XYLT1: variants seen among roughly 807,000 people sequenced by gnomAD.
XYLT1 encodes the protein xylosyltransferase 1.
Under a neutral mutation model 91.3 loss-of-function variants are expected in XYLT1, and 36 were observed. That is an observed-to-expected ratio of 0.39 (90% CI 0.30 to 0.52). XYLT1 has a LOEUF of 0.52. Among genes scored for constraint, XYLT1 ranks in the 20% least tolerant of loss-of-function variants. The probability of loss-of-function intolerance (pLI) is 0.68; values close to 1 mark genes in which losing one functional copy is unlikely to be tolerated. For missense variants in XYLT1, 1,242 were observed against 1,284.5 expected, an observed-to-expected ratio of 0.97 and a Z score of 0.51; for synonymous variants, 588 against 532.0, an observed-to-expected ratio of 1.11 and a Z score of -1.45.
chr16:17,433,730 A>C (rs1775595203), intron 1 of XYLT1, among the ~76,000 whole-genome samples: 1 of 152,228 alleles, frequency 6.6e-6, no homozygotes, highest in African/African-American at 2.4e-5. Context: ...CGAGGGACTT[A>C]ACAGCATTTC....
intron 1 of XYLT1, among the ~76,000 whole-genome samples, chr16:17,381,421 C>CTTT (rs11299875): frequency 2.3e-5 from 3 of 130,120 alleles, no homozygotes; most frequent in African/African-American, 3.3e-5. Context: ...AAGGCAACAC[C>CTTT]TTTTTTTTTT....
chr16:17,456,826 T>A (rs751517397), intron 1 of XYLT1, among the ~76,000 whole-genome samples: 4 of 152,178 alleles, frequency 2.6e-5, no homozygotes, highest in Non-Finnish European at 5.9e-5. Flanking sequence ...AATTTCCTCA[T>A]CTGTAGATGG....
intron 11 of XYLT1, among the ~76,000 whole-genome samples, chr16:17,111,096 G>A (rs1326191880): frequency 6.6e-6 from 1 of 151,004 alleles, no homozygotes; most frequent in Admixed American, 6.6e-5. Context: ...GGAGGCGGAG[G>A]TTTCATTGAG....
intron 1 of XYLT1, among the ~76,000 whole-genome samples, chr16:17,448,979 C>T (rs990426050): frequency 3.9e-5 from 6 of 152,168 alleles, no homozygotes; most frequent in Admixed American, 6.5e-5. Flanking sequence ...CTGCGAACTC[C>T]GGCACCTTGG....
At chr16:17,450,925 G>A (rs1455968239) in intron 1 of XYLT1, among the ~76,000 whole-genome samples, 1 of 152,196 alleles carries the variant, frequency 6.6e-6, no homozygotes, top group Admixed American at 6.5e-5. Flanking sequence ...ATGGAGATGA[G>A]GGAGAGAAGT....
rs186220455 is a variant in XYLT1, at chr16:17,155,833, T to C, written c.1370+2996A>G. ...TTCCTCAGCCTGAGACTTCTTTATG[T>C]TGTCCCAAGACATCTGGGTACCACC... is the stretch of plus-strand genomic sequence containing the variant. On this transcript the variant is annotated intron_variant, in intron 6 of 11. Transcript: ENST00000261381. Among the ~76,000 whole-genome samples, 33 of 152,318 alleles carry C rather than the reference T, an allele frequency of 2.2e-4. No individual in the cohort carries two copies. The South Asian group carries it at 3.9e-3, about 18-fold the overall frequency.
chr16:17,181,504 C>T (rs2032067851), intron 5 of XYLT1, among the ~76,000 whole-genome samples: 1 of 152,152 alleles, frequency 6.6e-6, no homozygotes, highest in African/African-American at 2.4e-5. Context: ...AAAAAATGCC[C>T]AATTCCGGAT....
At chr16:17,329,798 C>T (rs1407784908) in intron 2 of XYLT1, among the ~76,000 whole-genome samples, 1 of 152,186 alleles carries the variant, frequency 6.6e-6, no homozygotes, top group African/African-American at 2.4e-5. Flanking sequence ...GGGAGGGGCA[C>T]CAGGCTTGGA....
chr16:17,152,933 T>C (rs1411516044), intron 6 of XYLT1, among the ~76,000 whole-genome samples: 1 of 152,216 alleles, frequency 6.6e-6, no homozygotes, highest in African/African-American at 2.4e-5. Context: ...TGTCGATACA[T>C]ATAAGGTCAA....
chr16:17,150,285 G>A (rs1456863077), intron 6 of XYLT1, among the ~76,000 whole-genome samples: 1 of 152,182 alleles, frequency 6.6e-6, no homozygotes, highest in Non-Finnish European at 1.5e-5. Context: ...GCCTGAGCTG[G>A]AGTCAATTGT....
In XYLT1 at chr16:17,161,437, A is replaced by AC. The variant is rs796777178; in HGVS notation, c.1290-2529dup. ...GGGTGGGGCGGGGGGACCCCTGCCT[A>AC]CCCCCCTTGCTAGGGTCTCGGGCCC... is the stretch of plus-strand genomic sequence containing the variant. On this transcript the variant is annotated intron_variant, in intron 5 of 11. Coordinates refer to ENST00000261381, the MANE Select transcript of XYLT1 (RefSeq NM_022166.4). 4.2e-4 allele frequency among the ~76,000 whole-genome samples: 63 copies of AC among 151,454 alleles called. No individual in the cohort carries two copies. In the East Asian group the frequency reaches 0.012, roughly 29 times the overall value.
chr16:17,424,651 C>T (rs1020468426), intron 1 of XYLT1, among the ~76,000 whole-genome samples: 21 of 152,112 alleles, frequency 1.4e-4, no homozygotes, highest in African/African-American at 3.6e-4. Context: ...AGGCGGATCA[C>T]GAGGTCAGGA....
At chr16:17,417,748 T>A (rs968448339) in intron 1 of XYLT1, among the ~76,000 whole-genome samples, 1 of 152,220 alleles carries the variant, frequency 6.6e-6, no homozygotes, top group African/African-American at 2.4e-5. Context: ...CCTTACTGAC[T>A]CAGCTGACCA....
chr16:17,252,014 C>T (rs1233770701), intron 3 of XYLT1, among the ~76,000 whole-genome samples: 1 of 152,150 alleles, frequency 6.6e-6, no homozygotes, highest in Non-Finnish European at 1.5e-5. Context: ...TGCACAATGG[C>T]TGACACCATC....
chr16:17,304,948 C>T (rs934814687), intron 2 of XYLT1, among the ~76,000 whole-genome samples: 2 of 152,080 alleles, frequency 1.3e-5, no homozygotes, highest in Non-Finnish European at 2.9e-5. Context: ...CAGCTGTAGG[C>T]CCAGAAAGAA....
chr16:17,112,379 G>T (rs1966843608), intron 11 of XYLT1, among the ~76,000 whole-genome samples: 1 of 151,978 alleles, frequency 6.6e-6, no homozygotes, highest in African/African-American at 2.4e-5. Flanking sequence ...GCTGCTCTCG[G>T]TGGGGGTAAA....
Position 17,259,277 on chromosome 16 carries a change from G to C in XYLT1, c.624C>G (p.Phe208Leu), listed in dbSNP as rs372923585. ...GCACCTCACCGGGGCCTTTCCCAGG[G>C]AATGTATGTCCTTTTCCTTTCTCCT... is the stretch of plus-strand genomic sequence containing the variant. ...EQQEKGKGHT[F>L]PGKGPGEVLP... Residue 208 changes from phenylalanine to leucine, a missense_variant, in exon 3 of 12, where the codon TTC becomes TTG. By Grantham distance (22) the Phe-to-Leu change is conservative (BLOSUM62 0). Coordinates refer to ENST00000261381, the MANE Select transcript of XYLT1 (RefSeq NM_022166.4). 1 of 1,614,090 alleles carries C rather than the reference G, an allele frequency of 6.2e-7. No homozygotes were observed. Among genetic ancestry groups the C allele is most frequent in the Non-Finnish European group, 8.5e-7 (1 of 1,180,006 alleles).
At chr16:17,167,853 G>C (rs996705712) in intron 5 of XYLT1, among the ~76,000 whole-genome samples, 21 of 151,982 alleles carry the variant, frequency 1.4e-4, no homozygotes, top group Admixed American at 6.6e-4. Context: ...CTCGTGCATG[G>C]ATTCTAACCC....
At chr16:17,447,065 C>T (rs1567206309) in intron 1 of XYLT1, among the ~76,000 whole-genome samples, 1 of 149,302 alleles carries the variant, frequency 6.7e-6, no homozygotes, top group Non-Finnish European at 1.5e-5. Flanking sequence ...TTTCACAACT[C>T]AGTTAGCAGC....
Sources: gnomAD v4.1 joint callset for allele counts (sites outside exome capture counted in the v4.1 genomes callset) on GRCh38, gnomAD v4.1.1 for gene constraint, MANE v1.5 for transcripts, NCBI Gene and HGNC (gene_info 2026-07-23, HGNC 2026-07-21) for gene names.